ANK3: variants seen among roughly 807,000 people sequenced by gnomAD.
The protein encoded by ANK3 is ankyrin-3.
Under a neutral mutation model 370.9 loss-of-function variants are expected in ANK3, and 57 were observed. The ratio of observed to expected loss-of-function variants is 0.15; its 90% CI spans 0.12 to 0.19. ANK3 has a LOEUF of 0.19. ANK3 is among the 10% of genes least tolerant of loss of function. The pLI is 1.00. For synonymous variants in ANK3, 1,929 were observed against 1,946.3 expected, an observed-to-expected ratio of 0.99 and a Z score of 0.23; for missense variants, 4,439 against 5,302.1, an observed-to-expected ratio of 0.84 and a Z score of 5.06.
rs575377168 is a variant in ANK3, at chr10:60,224,751, G to A, written c.897+9937C>T. 2.5e-3 allele frequency among the ~76,000 whole-genome samples: 386 copies of A among 152,192 alleles called. 1 individual carries two copies. Among genetic ancestry groups the A allele is most frequent in the African/African-American group, 8.8e-3 (364 of 41,520 alleles). On this transcript the variant is annotated intron_variant, in intron 8 of 43. Coordinates refer to ENST00000280772, the MANE Select transcript of ANK3 (RefSeq NM_020987.5). Reference sequence around the variant, plus strand: ...AGAACTCTGCAGATAGATCATGGCTGTAGAACAGGATATAATCTTTAATTA... The same window carrying A: ...AGAACTCTGCAGATAGATCATGGCTATAGAACAGGATATAATCTTTAATTA...
intron 1 of ANK3, among the ~76,000 whole-genome samples, chr10:60,319,121 T>C (rs907454396): frequency 2.6e-5 from 4 of 152,142 alleles, no homozygotes; most frequent in African/African-American, 9.7e-5. Flanking sequence ...TACTTCAAAA[T>C]ATTGCTGGAC....
intron 2 of ANK3, among the ~76,000 whole-genome samples, chr10:60,395,624 C>CTTTCAT (rs60220666): frequency 5.7e-4 from 35 of 61,316 alleles, no homozygotes; most frequent in African/African-American, 2.1e-3. Context: ...TTCGTTCTCT[C>CTTTCAT]TCTCTCTCTC....
At position 60,497,991 on chromosome 10, in the gene ANK3, T is replaced by C. The variant is rs141148742; in HGVS notation, c.96+117195A>G. On this transcript the variant is annotated intron_variant, in intron 2 of 43. Transcript: ENST00000373827. ...ATCTGCAGTTATGTTTACCTTTTGT[T>C]GGAACATCCATTATCACCGTCGGAC... Among the ~76,000 whole-genome samples, 1,057 of 152,338 alleles carry C rather than the reference T, an allele frequency of 6.9e-3. 7 individuals carry two copies. The highest frequency in any genetic ancestry group is 0.024 in the African/African-American group (998 of 41,578).
chr10:60,216,505 T>C (rs1304842759), intron 8 of ANK3, among the ~76,000 whole-genome samples: 1 of 152,212 alleles, frequency 6.6e-6, no homozygotes, highest in East Asian at 1.9e-4. Flanking sequence ...GGGCTTTTTC[T>C]GCATCCATTG....
intron 2 of ANK3, among the ~76,000 whole-genome samples, chr10:60,525,498 G>C (rs541533306): frequency 1.3e-5 from 2 of 152,054 alleles, no homozygotes; most frequent in Non-Finnish European, 2.9e-5. Flanking sequence ...TAACTCATTA[G>C]GTGTCTTAGA....
chr10:60,134,463 A>C, intron 24 of ANK3, 90 bp from the exon 25 acceptor site: 1 of 879,646 alleles, frequency 1.1e-6, no homozygotes, highest in Non-Finnish European at 1.7e-6. Context: ...AAGAACAGGC[A>C]AGATGGCTAA....
chr10:60,260,719 C>T (rs2097791334), intron 7 of ANK3, among the ~76,000 whole-genome samples: 1 of 152,074 alleles, frequency 6.6e-6, no homozygotes. Context: ...AAGTGTACAG[C>T]ACCACTCTTC....
At chr10:60,176,381 AAAAG>A (rs2095954438) in intron 18 of ANK3, among the ~76,000 whole-genome samples, 2 of 150,940 alleles carry the variant, frequency 1.3e-5, no homozygotes, top group Non-Finnish European at 3.0e-5. Flanking sequence ...AAAAAAAAAA[AAAAG>A]AAAGAAAAAA....
intron 41 of ANK3, among the ~76,000 whole-genome samples, chr10:60,057,749 C>T (rs546352722): frequency 1.3e-5 from 2 of 152,220 alleles, no homozygotes; most frequent in Non-Finnish European, 2.9e-5. Context: ...GGAATTTCAG[C>T]GGTTTAATAA....
chr10:60,559,446 T>C (rs549181089), intron 2 of ANK3, among the ~76,000 whole-genome samples: 5 of 152,230 alleles, frequency 3.3e-5, no homozygotes, highest in Non-Finnish European at 7.3e-5. Flanking sequence ...CATTATTTCA[T>C]TCATTTTTAT....
At chr10:60,712,061 T>C (rs2079717559) in intron 1 of ANK3, among the ~76,000 whole-genome samples, 1 of 152,176 alleles carries the variant, frequency 6.6e-6, no homozygotes. Context: ...TGCCATGCAA[T>C]AACAGTAAGC....
At chr10:60,673,553 T>C (rs953243634) in intron 1 of ANK3, among the ~76,000 whole-genome samples, 7 of 152,100 alleles carry the variant, frequency 4.6e-5, no homozygotes, top group Admixed American at 4.6e-4. Context: ...GGTTCCACCA[T>C]GTTGACCAGG....
intron 2 of ANK3, among the ~76,000 whole-genome samples, chr10:60,460,776 T>G (rs1428398946): frequency 6.6e-6 from 1 of 152,164 alleles, no homozygotes; most frequent in African/African-American, 2.4e-5. Context: ...AACAACTCAA[T>G]GCAGACAGAA....
intron 36 of ANK3, 158 bp downstream of exon 36, chr10:60,080,379 T>A: frequency 3.3e-6 from 2 of 607,898 alleles, no homozygotes; most frequent in African/African-American, 1.9e-5. Flanking sequence ...CATCTTCAAC[T>A]AGGCACAAAA....
At chr10:60,156,998 T>A (rs1331421629) in intron 23 of ANK3, among the ~76,000 whole-genome samples, 1 of 151,108 alleles carries the variant, frequency 6.6e-6, no homozygotes, top group Non-Finnish European at 1.5e-5. Context: ...GCCTCTCAGA[T>A]ACGGAATTCA....
At chr10:60,727,859 A>G (rs889755663) in intron 1 of ANK3, among the ~76,000 whole-genome samples, 2 of 152,210 alleles carry the variant, frequency 1.3e-5, no homozygotes, top group African/African-American at 4.8e-5. Flanking sequence ...CTGCTAAACT[A>G]TGACATTTTG....
At chr10:60,121,244 A>T (rs1404106067) in intron 25 of ANK3, among the ~76,000 whole-genome samples, 6 of 152,188 alleles carry the variant, frequency 3.9e-5, no homozygotes, top group Non-Finnish European at 4.4e-5. Flanking sequence ...TCATGTTCTC[A>T]CTGATTTGTG....
At chr10:60,214,192 G>C (rs905422984) in intron 8 of ANK3, among the ~76,000 whole-genome samples, 27 of 151,994 alleles carry the variant, frequency 1.8e-4, no homozygotes, top group African/African-American at 6.5e-4. Context: ...ACTAGTTTAT[G>C]TATCTGCTAA....
intron 2 of ANK3, among the ~76,000 whole-genome samples, chr10:60,399,705 G>A (rs967108999): frequency 3.3e-5 from 5 of 152,044 alleles, no homozygotes; most frequent in Admixed American, 1.3e-4. Context: ...ACTAAACTCC[G>A]TACACTTAGC....
Sources: gnomAD v4.1 joint callset for allele counts (sites outside exome capture counted in the v4.1 genomes callset) on GRCh38, gnomAD v4.1.1 for gene constraint, MANE v1.5 for transcripts, NCBI Gene and HGNC (gene_info 2026-07-23, HGNC 2026-07-21) for gene names.